RASL10A: variants seen among roughly 807,000 people sequenced by gnomAD.
RASL10A encodes RAS like family 10 member A, also known as ras-like protein family member 10A.
RASL10A carries 13 observed loss-of-function variants against 17.3 expected under a neutral mutation model. The ratio of observed to expected loss-of-function variants is 0.75; its 90% CI spans 0.49 to 1.20. The LOEUF (loss-of-function observed/expected upper bound fraction) is 1.20, where lower values mean the gene tolerates loss of function less well. RASL10A is among the 50% of genes most tolerant of loss of function. RASL10A has a pLI of 0.00. For missense variants in RASL10A, 307 were observed against 310.3 expected, an observed-to-expected ratio of 0.99 and a Z score of 0.08; for synonymous variants, 159 against 142.2, an observed-to-expected ratio of 1.12 and a Z score of -0.84.
Position 29,313,454 on chromosome 22 carries a change from G to C in RASL10A, c.459C>G (p.Arg153=). Residue 153 remains arginine, a synonymous_variant, in exon 3 of 3, where the codon CGC becomes CGG. Coordinates refer to ENST00000216101, the MANE Select transcript of RASL10A (RefSeq NM_006477.5). ...TGGCGGAGCACTCGAGGTAGCCGCA[G>C]CGCCAGCCCCTGCGCACTAGGGCGG... ...ALAALVRRGW[R]CGYLECSAKY... 1 of 1,543,278 alleles carries C rather than the reference G, an allele frequency of 6.5e-7. No homozygotes were observed. The highest frequency in any genetic ancestry group is 8.7e-7 in the Non-Finnish European group (1 of 1,149,396).
At position 29,315,285 on chromosome 22, in the gene RASL10A, C is replaced by T. The variant is rs760076981; in HGVS notation, c.-39G>A. 7.4e-5 allele frequency: 103 copies of T among 1,393,842 alleles called. No homozygotes were observed. The South Asian group carries it at 8.2e-4, about 11-fold the overall frequency. 86.3% of individuals were successfully genotyped at this position (1,393,842 alleles called of 1,614,324 possible). A position where few individuals can be genotyped will look rare whatever the true frequency, so the allele number is the denominator to read the frequency against. On this transcript the variant is annotated 5_prime_UTR_variant, in exon 1 of 3. The change abolishes an upstream ATG in the 5' untranslated region. Coordinates refer to ENST00000216101, the MANE Select transcript of RASL10A (RefSeq NM_006477.5). This position sits in a 1 kb window ranked among gnomAD's most constrained non-coding sequence, Gnocchi z 5.5. Reference sequence around the variant, plus strand: ...TGTCGCTCCCCGCGCTGGAAAGCCTCATGGGCCGGCGCCGCACCGTGCGCC... The same window carrying T: ...TGTCGCTCCCCGCGCTGGAAAGCCTTATGGGCCGGCGCCGCACCGTGCGCC...
At chr22:29,319,853 C>T (rs1278193800), upstream of RASL10A, among the ~76,000 whole-genome samples, 2 of 151,760 alleles carry the variant, frequency 1.3e-5, no homozygotes, top group South Asian at 4.2e-4. Context: ...GGCATGGTGG[C>T]GGGGGCCTGT....
At chr22:29,313,668 G>T (rs931151505) in intron 2 of RASL10A, 100 bp from the exon 3 acceptor site, 5 of 1,418,860 alleles carry the variant, frequency 3.5e-6, no homozygotes, top group Non-Finnish European at 4.6e-6. Flanking sequence ...TACGGCCAGA[G>T]ACACCGCCCC....
chr22:29,315,610 G>A lies in RASL10A; in HGVS notation c.-364C>T, dbSNP rs1358249182. 1 of 156,248 alleles carries A rather than the reference G, an allele frequency of 6.4e-6. No individual in the cohort carries two copies. Among genetic ancestry groups the A allele is most frequent in the Non-Finnish European group, 1.4e-5 (1 of 70,922 alleles). The allele number at this position is 156,248 out of a possible 1,614,324, so 9.7% of individuals were successfully genotyped here. A position where few individuals can be genotyped will look rare whatever the true frequency, so the allele number is the denominator to read the frequency against. Reference sequence around the variant, plus strand: ...GAAGTCCGCCCCTCTCGCGGCGCGGGTCCCGCAGCGGTGCGGGGCGCGGGG... The same window carrying A: ...GAAGTCCGCCCCTCTCGCGGCGCGGATCCCGCAGCGGTGCGGGGCGCGGGG... On this transcript the variant is annotated 5_prime_UTR_variant, in exon 1 of 3. Transcript: ENST00000216101. This position sits in a 1 kb window ranked among gnomAD's most constrained non-coding sequence, Gnocchi z 5.5.
At chr22:29,317,795 C>T (rs980806506), upstream of RASL10A, among the ~76,000 whole-genome samples, 2 of 152,214 alleles carry the variant, frequency 1.3e-5, no homozygotes. Flanking sequence ...AGCAATTCTC[C>T]TGTCTCAGCC....
chr22:29,313,828 C>G (rs753546790), intron 2 of RASL10A, 35 bp downstream of exon 2: 7 of 1,609,868 alleles, frequency 4.3e-6, no homozygotes, highest in Admixed American at 3.3e-5. Flanking sequence ...CAGACCTGTC[C>G]TAGCTCCCCA....
At chr22:29,318,096 G>A (rs2061461879), upstream of RASL10A, among the ~76,000 whole-genome samples, 1 of 152,228 alleles carries the variant, frequency 6.6e-6, no homozygotes, top group Non-Finnish European at 1.5e-5. Context: ...TGCAAACAGA[G>A]CTGTGTGTGA....
At chr22:29,316,177 C>G (rs2061453220), upstream of RASL10A, among the ~76,000 whole-genome samples, 1 of 152,256 alleles carries the variant, frequency 6.6e-6, no homozygotes. Context: ...CAGCCTCAGC[C>G]TGGCATCGCT....
chr22:29,318,625 G>C (rs1489108224), upstream of RASL10A, among the ~76,000 whole-genome samples: 1 of 152,192 alleles, frequency 6.6e-6, no homozygotes. Flanking sequence ...GAAGCTGCCT[G>C]TCTGCCTGGG....
upstream of RASL10A, chr22:29,316,615 C>T (rs2061455402): frequency 6.6e-6 from 1 of 152,266 alleles, no homozygotes; most frequent in Non-Finnish European, 1.5e-5. Flanking sequence ...CTGGGTTAGC[C>T]CAGCCCCCCC....
At chr22:29,317,122 T>C (rs1381160150), upstream of RASL10A, 2 of 152,282 alleles carry the variant, frequency 1.3e-5, no homozygotes, top group African/African-American at 4.8e-5. Context: ...ACCACCTCTG[T>C]CTAGTGTTCC....
Position 29,313,253 on chromosome 22 carries a change from T to C in RASL10A, c.*48A>G, listed in dbSNP as rs1161847710. ...GATCCCGTCCAATCCAGGTCCCTGA[T>C]TGTCCCAGTCACAAGGTGGGGCCCA... is the stretch of plus-strand genomic sequence containing the variant. On this transcript the variant is annotated 3_prime_UTR_variant, in exon 3 of 3. Coordinates refer to ENST00000216101, the MANE Select transcript of RASL10A (RefSeq NM_006477.5). 2 of 1,446,718 alleles carry C rather than the reference T, an allele frequency of 1.4e-6. No individual in the cohort carries two copies. The highest frequency in any genetic ancestry group is 1.5e-5 in the African/African-American group (1 of 68,210). 89.6% of individuals were successfully genotyped at this position (1,446,718 alleles called of 1,614,324 possible).
At position 29,315,599 on chromosome 22, in the gene RASL10A, T is replaced by G; in HGVS notation, c.-353A>C. ...CGCGAGGCGCCGAAGTCCGCCCCTC[T>G]CGCGGCGCGGGTCCCGCAGCGGTGC... On this transcript the variant is annotated 5_prime_UTR_variant, in exon 1 of 3. Coordinates refer to ENST00000216101, the MANE Select transcript of RASL10A (RefSeq NM_006477.5). The surrounding 1 kb of genome is among the most constrained non-coding windows in gnomAD (Gnocchi z 5.5). The G allele has an allele frequency of 6.4e-6, 1 of 157,376 alleles. No individual in the cohort carries two copies. Among genetic ancestry groups the G allele is most frequent in the Non-Finnish European group, 1.4e-5 (1 of 71,692 alleles). The allele number at this position is 157,376 out of a possible 1,614,324, so 9.7% of individuals were successfully genotyped here.
chr22:29,313,297 C>A lies in RASL10A; in HGVS notation c.*4G>T. 6.7e-7 allele frequency: 1 copy of A among 1,497,114 alleles called. No individual in the cohort carries two copies. Among genetic ancestry groups the A allele is most frequent in the Non-Finnish European group, 8.9e-7 (1 of 1,120,350 alleles). The allele number at this position is 1,497,114 out of a possible 1,614,324, so 92.7% of individuals were successfully genotyped here. ...GGGCCCATGGATGGCACTGTCCGATCGGGTCACATGAGGCTGCAGCGCGCG... is the reference window on the plus strand; with the variant it reads ...GGGCCCATGGATGGCACTGTCCGATAGGGTCACATGAGGCTGCAGCGCGCG... On this transcript the variant is annotated 3_prime_UTR_variant, in exon 3 of 3. Coordinates refer to ENST00000216101, the MANE Select transcript of RASL10A (RefSeq NM_006477.5).
upstream of RASL10A, among the ~76,000 whole-genome samples, chr22:29,317,916 C>T (rs2061461039): frequency 1.3e-5 from 2 of 151,888 alleles, no homozygotes; most frequent in Admixed American, 1.3e-4. Context: ...GAACTGCTGA[C>T]CTCAGGTGAT....
upstream of RASL10A, among the ~76,000 whole-genome samples, chr22:29,318,521 C>T (rs1355659350): frequency 6.6e-6 from 1 of 152,190 alleles, no homozygotes; most frequent in Non-Finnish European, 1.5e-5. Context: ...CTCTAGGTCC[C>T]GTGGAGCCCC....
chr22:29,313,095 C>G lies in RASL10A; in HGVS notation c.*206G>C. 1.7e-6 allele frequency: 1 copy of G among 572,292 alleles called. No individual in the cohort carries two copies. The highest frequency in any genetic ancestry group is 3.3e-5 in the East Asian group (1 of 30,726). The allele number at this position is 572,292 out of a possible 1,614,324, so 35.5% of individuals were successfully genotyped here. On this transcript the variant is annotated 3_prime_UTR_variant, in exon 3 of 3. Coordinates refer to ENST00000216101, the MANE Select transcript of RASL10A (RefSeq NM_006477.5). ...TGAGGTCCCAGAAAGGACTGGTCAT[C>G]TCCAATGGAGCTTGGGACCTGGTTG...
Position 29,312,963 on chromosome 22 carries a change from G to T in RASL10A, c.*338C>A, listed in dbSNP as rs117757283. ...TTATTTTCCCTTTTATTATCCCGTG[G>T]TAGGTGTGGCATAAAGAATATGTCC... On this transcript the variant is annotated 3_prime_UTR_variant, in exon 3 of 3. Transcript: ENST00000216101. 1 of 342,120 alleles carries T rather than the reference G, an allele frequency of 2.9e-6. No homozygotes were observed. The allele number at this position is 342,120 out of a possible 1,614,324, so 21.2% of individuals were successfully genotyped here.
At chr22:29,313,751 C>A (rs1481237739) in intron 2 of RASL10A, 112 bp downstream of exon 2, 11 of 1,507,866 alleles carry the variant, frequency 7.3e-6, no homozygotes, top group African/African-American at 4.1e-5. Context: ...TTCCCACGGG[C>A]GAAGGCCTAA....
Sources: allele counts gnomAD v4.1 joint callset (sites outside exome capture counted in the v4.1 genomes callset), GRCh38; gene constraint gnomAD v4.1.1; non-coding constraint Gnocchi (gnomAD v3.1); transcripts MANE v1.5; gene names NCBI Gene and HGNC (gene_info 2026-07-23, HGNC 2026-07-21).